The following DNAJC21 variants were observed in gnomAD, a reference collection of about 807,000 sequenced individuals.
The protein encoded by DNAJC21 is dnaJ homolog subfamily C member 21.
In DNAJC21, 63 loss-of-function variants were observed where a neutral mutation model predicts 72.4. The observed-to-expected ratio is 0.87, with a 90% confidence interval of 0.71 to 1.07. The LOEUF is 1.07. Ranked by LOEUF, DNAJC21 falls within the 50% of genes least tolerant of loss-of-function variation. The pLI is 0.00. For missense variants in DNAJC21, 634 were observed against 644.8 expected, an observed-to-expected ratio of 0.98 and a Z score of 0.18; for synonymous variants, 203 against 216.7, an observed-to-expected ratio of 0.94 and a Z score of 0.56.
chr5:34,944,805 A>G, intron 7 of DNAJC21, 62 bp from the exon 8 acceptor site: 3 of 1,587,782 alleles, frequency 1.9e-6, no homozygotes, highest in Non-Finnish European at 2.6e-6. Context: ...GTTATCCAGC[A>G]ACATTATCTG....
chr5:34,957,345 A>T lies in DNAJC21; in HGVS notation c.*2631A>T, dbSNP rs1765565261. The T allele has an allele frequency of 6.6e-6, 1 of 152,190 alleles. No individual in the cohort carries two copies. Among genetic ancestry groups the T allele is most frequent in the Non-Finnish European group, 1.5e-5 (1 of 68,034 alleles). The allele number at this position is 152,190 out of a possible 1,614,324, so 9.4% of individuals were successfully genotyped here. A position where few individuals can be genotyped will look rare whatever the true frequency, so the allele number is the denominator to read the frequency against. On this transcript the variant is annotated 3_prime_UTR_variant, in exon 12 of 12. Transcript: ENST00000648817. ...AGGGGAAATCTCATTTTCTTTCTGTAATTCATTCAGTGGTGCCAAAGCTGG... is the reference window on the plus strand; with the variant it reads ...AGGGGAAATCTCATTTTCTTTCTGTTATTCATTCAGTGGTGCCAAAGCTGG...
intron 10 of DNAJC21, chr5:34,952,715 A>G (rs1765415173): frequency 6.6e-6 from 1 of 152,216 alleles, no homozygotes; most frequent in Non-Finnish European, 1.5e-5. Context: ...TCAGATCAAC[A>G]GAAAGGACAT....
rs1017262229 is a variant in DNAJC21 at position 34,929,735 on chromosome 5, G to GCGCCGC, written c.-72_-67dup. 281 of 620,630 alleles carry GCGCCGC rather than the reference G, an allele frequency of 4.5e-4. 1 individual carries two copies. The South Asian group carries it at 0.016, about 36-fold the overall frequency. The allele number at this position is 620,630 out of a possible 1,614,324, so 38.4% of individuals were successfully genotyped here. Reference sequence around the variant, plus strand: ...GGACTCCCGCCGGAGAGGACTGCCAGCGCCGCCGCCGCCGCCGCTTCGGCC... The same window carrying GCGCCGC: ...GGACTCCCGCCGGAGAGGACTGCCAGCGCCGCCGCCGCCGCCGCCGCCGCTTCGGCC... On this transcript the variant is annotated 5_prime_UTR_variant, in exon 1 of 12. Coordinates refer to ENST00000648817, the MANE Select transcript of DNAJC21 (RefSeq NM_001012339.3).
At chr5:34,933,145 C>G (rs1218513562) in intron 1 of DNAJC21, among the ~76,000 whole-genome samples, 1 of 152,162 alleles carries the variant, frequency 6.6e-6, no homozygotes, top group Non-Finnish European at 1.5e-5. Flanking sequence ...AAAACAATGT[C>G]AGCACTAAAC....
chr5:34,933,779 G>T, intron 1 of DNAJC21, 36 bp from the exon 2 acceptor site: 2 of 1,567,882 alleles, frequency 1.3e-6, no homozygotes, highest in African/African-American at 1.4e-5. Context: ...TGTCCTGTAC[G>T]TTTTTGATTG....
chr5:34,947,196 A>G (rs1765199178), intron 9 of DNAJC21, among the ~76,000 whole-genome samples: 1 of 152,186 alleles, frequency 6.6e-6, no homozygotes, highest in Non-Finnish European at 1.5e-5. Context: ...ATTAAAACTG[A>G]ATGTAAATAG....
In DNAJC21 at chr5:34,956,111, G is replaced by GCTTT. The variant is rs1765531133; in HGVS notation, c.*1400_*1403dup. ...TTAAACTCACTGGCTTGAAATGTGT[G>GCTTT]CTTTCTGTACAATGAAGTTATTGCT... On this transcript the variant is annotated 3_prime_UTR_variant, in exon 12 of 12. Coordinates refer to ENST00000648817, the MANE Select transcript of DNAJC21 (RefSeq NM_001012339.3). 1 of 151,288 alleles carries GCTTT rather than the reference G, an allele frequency of 6.6e-6. No homozygotes were observed. Among genetic ancestry groups the GCTTT allele is most frequent in the Admixed American group, 6.6e-5 (1 of 15,198 alleles). The allele number at this position is 151,288 out of a possible 1,614,324, so 9.4% of individuals were successfully genotyped here.
intron 9 of DNAJC21, among the ~76,000 whole-genome samples, chr5:34,949,893 T>C (rs894308559): frequency 2.6e-5 from 4 of 152,246 alleles, no homozygotes; most frequent in Non-Finnish European, 4.4e-5. Flanking sequence ...GCTAATATGT[T>C]GTAAGTATTT....
chr5:34,945,109 ACTCT>A, intron 8 of DNAJC21, 84 bp downstream of exon 8: 1 of 1,508,096 alleles, frequency 6.6e-7, no homozygotes, highest in South Asian at 1.3e-5. Flanking sequence ...ATGGAGAATC[ACTCT>A]GTTGCCCAGG....
At chr5:34,949,341 G>A (rs546788781) in intron 9 of DNAJC21, among the ~76,000 whole-genome samples, 38 of 152,214 alleles carry the variant, frequency 2.5e-4, no homozygotes, top group African/African-American at 8.9e-4. Flanking sequence ...AAAAAAGTGG[G>A]GGAGCTGCTC....
chr5:34,940,479 TGTTTGTTTCTTCAAAAA>T (rs1347938194), intron 6 of DNAJC21, among the ~76,000 whole-genome samples: 2 of 152,200 alleles, frequency 1.3e-5, no homozygotes, highest in Non-Finnish European at 2.9e-5. Flanking sequence ...ACAGTTTACA[TGTTTGTTTCTTCAAAAA>T]TAGAATACGG....
At chr5:34,931,781 T>A (rs37429) in intron 1 of DNAJC21, among the ~76,000 whole-genome samples, 2 of 151,818 alleles carry the variant, frequency 1.3e-5, no homozygotes, top group Admixed American at 6.6e-5. Context: ...CAAGCCAGGC[T>A]TGGGGTCAGC....
chr5:34,931,415 C>T (rs1374651889), intron 1 of DNAJC21, among the ~76,000 whole-genome samples: 2 of 151,994 alleles, frequency 1.3e-5, no homozygotes, highest in Non-Finnish European at 2.9e-5. Flanking sequence ...TGGGTTGTTA[C>T]TGTTAGAAAT....
Position 34,951,712 on chromosome 5 carries a change from G to A in DNAJC21, c.1358+1370G>A, listed in dbSNP as rs144102713. On this transcript the variant is annotated intron_variant, in intron 10 of 11. Coordinates refer to ENST00000648817, the MANE Select transcript of DNAJC21 (RefSeq NM_001012339.3). ...CTGGCTATTTTTCTGTATTTTAGTA[G>A]AGACGGTTTCACCATGTTGCACAGG... is the stretch of plus-strand genomic sequence containing the variant. 258 of 829,494 alleles carry A rather than the reference G, an allele frequency of 3.1e-4. No individual in the cohort carries two copies. The African/African-American group carries it at 4.2e-3, about 13-fold the overall frequency. 51.4% of individuals were successfully genotyped at this position (829,494 alleles called of 1,614,324 possible).
At chr5:34,937,267 C>G in intron 4 of DNAJC21, 59 bp from the exon 5 acceptor site, 1 of 1,523,498 alleles carries the variant, frequency 6.6e-7, no homozygotes, top group Non-Finnish European at 8.8e-7. Flanking sequence ...GTAATATTTA[C>G]TGCTTTTCTA....
At chr5:34,953,194 T>A (rs917813781) in intron 10 of DNAJC21, among the ~76,000 whole-genome samples, 1 of 151,998 alleles carries the variant, frequency 6.6e-6, no homozygotes, top group African/African-American at 2.4e-5. Flanking sequence ...TCATGTCAGA[T>A]CATTTATGAT....
Position 34,937,379 on chromosome 5 carries a change from T to C in DNAJC21, c.492T>C (p.Phe164=), listed in dbSNP as rs1376684509. Residue 164 remains phenylalanine, a synonymous_variant, in exon 5 of 12, where the codon TTT becomes TTC. Transcript: ENST00000648817. ...YWQSFCTQKN[F]AWKEEYDTRQ... ...AGAGTTTCTGCACTCAAAAGAATTT[T>C]GCATGGAAGGAAGAATATGATACAC... The C allele has an allele frequency of 6.2e-7, 1 of 1,613,830 alleles. No individual in the cohort carries two copies. Among genetic ancestry groups the C allele is most frequent in the Non-Finnish European group, 8.5e-7 (1 of 1,179,960 alleles).
At position 34,954,021 on chromosome 5, in the gene DNAJC21, A is replaced by G. The variant is rs750720106; in HGVS notation, c.1434+20A>G. 6 of 1,592,092 alleles carry G rather than the reference A, an allele frequency of 3.8e-6. No individual in the cohort carries two copies. The highest frequency in any genetic ancestry group is 4.3e-6 in the Non-Finnish European group (5 of 1,168,356). On this transcript the variant is annotated intron_variant, in intron 11 of 11. Transcript: ENST00000648817. Reference sequence around the variant, plus strand: ...ACAATGGTAGGTCAAAATCATATTCATATCTCTTTAGCATATCTTGCTGTT... The same window carrying G: ...ACAATGGTAGGTCAAAATCATATTCGTATCTCTTTAGCATATCTTGCTGTT...
In DNAJC21 at chr5:34,929,656, ACCG is replaced by A. The variant is rs574306683; in HGVS notation, c.-142_-140del. ...CCGCGCGCCTTCACTGACCTACACC[ACCG>A]CCGCCGCCGCCGCCGCCGCCGGGCT... is the stretch of plus-strand genomic sequence containing the variant. On this transcript the variant is annotated 5_prime_UTR_variant, in exon 1 of 12. Transcript: ENST00000648817. 188 of 154,864 alleles carry A rather than the reference ACCG, an allele frequency of 1.2e-3. No individual in the cohort carries two copies. Among genetic ancestry groups the A allele is most frequent in the Non-Finnish European group, 2.0e-3 (152 of 77,810 alleles). 9.6% of individuals were successfully genotyped at this position (154,864 alleles called of 1,614,324 possible). A position where few individuals can be genotyped will look rare whatever the true frequency, so the allele number is the denominator to read the frequency against.
Sources: gnomAD v4.1 joint callset for allele counts (sites outside exome capture counted in the v4.1 genomes callset) on GRCh38, gnomAD v4.1.1 for gene constraint, MANE v1.5 for transcripts, NCBI Gene and HGNC (gene_info 2026-07-23, HGNC 2026-07-21) for gene names.